The following THSD7A variants were observed in gnomAD, a reference collection of about 807,000 sequenced individuals.
THSD7A encodes thrombospondin type 1 domain containing 7A, also known as thrombospondin type-1 domain-containing protein 7A.
Under a neutral mutation model 231.3 loss-of-function variants are expected in THSD7A, and 96 were observed. The ratio of observed to expected loss-of-function variants is 0.41; its 90% CI spans 0.35 to 0.49. The LOEUF is 0.49. Among genes scored for constraint, THSD7A ranks in the 20% least tolerant of loss-of-function variants. The probability of loss-of-function intolerance (pLI) is 0.05; values close to 1 mark genes in which losing one functional copy is unlikely to be tolerated. For synonymous variants in THSD7A, 940 were observed against 743.3 expected (o/e 1.26, Z -4.30); for missense variants, 2,290 against 2,070.2 (o/e 1.11, Z -2.06).
chr7:11,540,818 T>C (rs1789114374), intron 6 of THSD7A, among the ~76,000 whole-genome samples: 1 of 152,152 alleles, frequency 6.6e-6, no homozygotes. Flanking sequence ...TTCCTGAGGT[T>C]GGGGAAAAGA....
At chr7:11,518,450 A>G (rs1051160966) in intron 6 of THSD7A, among the ~76,000 whole-genome samples, 2 of 152,176 alleles carry the variant, frequency 1.3e-5, no homozygotes, top group African/African-American at 4.8e-5. Context: ...GCATATATGA[A>G]TGAATGCTTT....
At chr7:11,718,386 G>C (rs1157909668) in intron 1 of THSD7A, among the ~76,000 whole-genome samples, 1 of 151,542 alleles carries the variant, frequency 6.6e-6, no homozygotes, top group Non-Finnish European at 1.5e-5. Flanking sequence ...TGTTAAATCT[G>C]ATAATGTGAC....
Position 11,474,176 on chromosome 7 carries a change from G to A in THSD7A, c.2252+158C>T, listed in dbSNP as rs539270232. Among the ~76,000 whole-genome samples the A allele has an allele frequency of 6.6e-6, 1 of 152,304 alleles. No homozygotes were observed. The highest frequency in any genetic ancestry group is 2.1e-4 in the South Asian group (1 of 4,822). The stretch of plus-strand genomic sequence containing the variant: ...CAGTATAAAACTCAAAGCTGTTATA[G>A]CTTTATCAGTGGCTGACTTTCAAAA... On this transcript the variant is annotated intron_variant, in intron 8 of 27. Transcript: ENST00000423059. The surrounding 1 kb of genome is among the most constrained non-coding windows in gnomAD (Gnocchi z 4.1).
intron 6 of THSD7A, among the ~76,000 whole-genome samples, chr7:11,525,745 CTTCTA>C (rs1562685492): frequency 6.6e-6 from 1 of 152,066 alleles, no homozygotes; most frequent in African/African-American, 2.4e-5. Context: ...TACAATATGA[CTTCTA>C]TTCTTATTTA....
chr7:11,402,465 G>C (rs1340824331), intron 22 of THSD7A, among the ~76,000 whole-genome samples: 2 of 152,182 alleles, frequency 1.3e-5, no homozygotes, highest in Non-Finnish European at 2.9e-5. Flanking sequence ...GTGGAGGTGA[G>C]AGAGACAACT....
chr7:11,437,417 C>CT (rs1784667893), intron 13 of THSD7A, among the ~76,000 whole-genome samples: 1 of 151,904 alleles, frequency 6.6e-6, no homozygotes, highest in Non-Finnish European at 1.5e-5. Context: ...ATGCTCTTTC[C>CT]TTCTTTCCTT....
chr7:11,645,530 T>G (rs1368641994), intron 1 of THSD7A, among the ~76,000 whole-genome samples: 1 of 151,870 alleles, frequency 6.6e-6, no homozygotes, highest in Non-Finnish European at 1.5e-5. Flanking sequence ...ATCAGAAGTT[T>G]ATTACAAGTT....
intron 1 of THSD7A, among the ~76,000 whole-genome samples, chr7:11,737,058 A>G (rs1234953825): frequency 2.6e-5 from 4 of 152,042 alleles, no homozygotes; most frequent in Non-Finnish European, 4.4e-5. Context: ...AAGTTTCCTG[A>G]GGCCTCCCCA....
At chr7:11,601,550 GC>G (rs1780554430) in intron 2 of THSD7A, among the ~76,000 whole-genome samples, 1 of 152,106 alleles carries the variant, frequency 6.6e-6, no homozygotes, top group Non-Finnish European at 1.5e-5. Context: ...GGGAAATAAA[GC>G]TTTTAAGCCA....
In THSD7A at chr7:11,648,637, C is replaced by CGTGTGTGTGTGTGTGTGTGTGT. The variant is rs3031455; in HGVS notation, c.191-11698_191-11677dup. Among the ~76,000 whole-genome samples, 427 of 141,120 alleles carry CGTGTGTGTGTGTGTGTGTGTGT rather than the reference C, an allele frequency of 3.0e-3. 3 individuals carry two copies. Among genetic ancestry groups the CGTGTGTGTGTGTGTGTGTGTGT allele is most frequent in the Non-Finnish European group, 4.5e-3 (292 of 65,028 alleles). The allele number at this position is 141,120 out of a possible 152,430, so 92.6% of individuals were successfully genotyped here. A position where few individuals can be genotyped will look rare whatever the true frequency, so the allele number is the denominator to read the frequency against. The stretch of plus-strand genomic sequence containing the variant: ...TAGCTTGTCAGGATCTATTTTGTGG[C>CGTGTGTGTGTGTGTGTGTGTGT]GTGTGTGTGTGTGTGTGTGTGTGTG... On this transcript the variant is annotated intron_variant, in intron 1 of 27. Transcript: ENST00000423059.
Position 11,407,071 on chromosome 7 carries a change from A to T in THSD7A, c.3917-16T>A, listed in dbSNP as rs368318348. The T allele has an allele frequency of 2.0e-5, 33 of 1,613,184 alleles. No individual in the cohort carries two copies. Among genetic ancestry groups the T allele is most frequent in the Non-Finnish European group, 2.7e-5 (32 of 1,179,600 alleles). The stretch of plus-strand genomic sequence containing the variant: ...ATCATTTTTCCTTGAAGAGATACAA[A>T]GTGATGCACCTTTAATATATGTTAT... On this transcript the variant is annotated splice_polypyrimidine_tract_variant and intron_variant, in intron 20 of 27. Coordinates refer to ENST00000423059, the MANE Select transcript of THSD7A (RefSeq NM_015204.3).
chr7:11,649,489 T>C (rs1014519545), intron 1 of THSD7A, among the ~76,000 whole-genome samples: 1 of 152,046 alleles, frequency 6.6e-6, no homozygotes, highest in African/African-American at 2.4e-5. Flanking sequence ...ATAGGTATGT[T>C]GCCATACCCA....
At chr7:11,714,642 CT>C (rs150161318) in intron 1 of THSD7A, among the ~76,000 whole-genome samples, 4,742 of 151,342 alleles carry the variant, frequency 0.031, 258 homozygotes, top group African/African-American at 0.11. Flanking sequence ...CAGAAAGCAT[CT>C]TCTTAATTAA....
Position 11,417,435 on chromosome 7 carries a change from G to T in THSD7A, c.3537+15C>A. ...TAAATAAACTCTACATTAATAAAAA[G>T]GTTAATCATCTCACCAAAACACATT... is the stretch of plus-strand genomic sequence containing the variant. On this transcript the variant is annotated intron_variant, in intron 17 of 27. Transcript: ENST00000423059. 6.4e-7 allele frequency: 1 copy of T among 1,566,610 alleles called. No homozygotes were observed. The highest frequency in any genetic ancestry group is 8.6e-7 in the Non-Finnish European group (1 of 1,163,552).
chr7:11,486,098 A>T (rs992546021), intron 6 of THSD7A, among the ~76,000 whole-genome samples: 1 of 152,148 alleles, frequency 6.6e-6, no homozygotes, highest in Non-Finnish European at 1.5e-5. Context: ...CAACTTCATA[A>T]CTTGTCAATT....
chr7:11,686,304 G>C (rs1780050771), intron 1 of THSD7A, among the ~76,000 whole-genome samples: 1 of 151,756 alleles, frequency 6.6e-6, no homozygotes, highest in Non-Finnish European at 1.5e-5. Context: ...ATATACCCCT[G>C]TAATAAACCC....
chr7:11,517,049 G>T (rs1478283439), intron 6 of THSD7A, among the ~76,000 whole-genome samples: 1 of 152,086 alleles, frequency 6.6e-6, no homozygotes, highest in Non-Finnish European at 1.5e-5. Flanking sequence ...AATTGTTTAA[G>T]CAAGAGAACA....
chr7:11,806,078 A>AG (rs1323944005), intron 1 of THSD7A, among the ~76,000 whole-genome samples: 1 of 152,130 alleles, frequency 6.6e-6, no homozygotes, highest in Non-Finnish European at 1.5e-5. Flanking sequence ...TTATCTTTTC[A>AG]GGTTTTCTCT....
chr7:11,708,751 A>G (rs1451557854), intron 1 of THSD7A, among the ~76,000 whole-genome samples: 2 of 150,784 alleles, frequency 1.3e-5, no homozygotes, highest in African/African-American at 4.8e-5. Context: ...TTCTTGTATT[A>G]TGATCCAATA....
Sources: allele counts gnomAD v4.1 joint callset (sites outside exome capture counted in the v4.1 genomes callset), GRCh38; gene constraint gnomAD v4.1.1; non-coding constraint Gnocchi (gnomAD v3.1); transcripts MANE v1.5; gene names NCBI Gene and HGNC (gene_info 2026-07-23, HGNC 2026-07-21).